KRTAP2-2: variants seen among roughly 807,000 people sequenced by gnomAD.
KRTAP2-2 encodes putative keratin-associated protein ENSP00000381495.
KRTAP2-2 carries 3 observed loss-of-function variants against 10.2 expected under a neutral mutation model. The ratio of observed to expected loss-of-function variants is 0.29; its 90% CI spans 0.13 to 0.76. The LOEUF (loss-of-function observed/expected upper bound fraction) is 0.76. KRTAP2-2 is among the 30% of genes least tolerant of loss of function. The probability of loss-of-function intolerance (pLI) is 0.67; values close to 1 mark genes in which losing one functional copy is unlikely to be tolerated. For synonymous variants in KRTAP2-2, 20 were observed against 70.8 expected, an observed-to-expected ratio of 0.28 and a Z score of 3.60; for missense variants, 54 against 163.6, an observed-to-expected ratio of 0.33 and a Z score of 3.65.
In KRTAP2-2 at chr17:41,055,220, C is replaced by G. The variant is rs760006554; in HGVS notation, c.-9G>C. The stretch of plus-strand genomic sequence containing the variant: ...CAGCAGGAGCCGGTCATGGTGGTGT[C>G]TGAGGCTGGTGTGGGTTGGGCTGTG... On this transcript the variant is annotated 5_prime_UTR_variant, in exon 1 of 1. Coordinates refer to ENST00000398477, the Ensembl canonical transcript of KRTAP2-2. 3.9e-5 allele frequency: 55 copies of G among 1,402,018 alleles called. 3 individuals carry two copies. The South Asian group carries it at 8.1e-4, about 21-fold the overall frequency. 86.8% of individuals were successfully genotyped at this position (1,402,018 alleles called of 1,614,324 possible).
chr17:41,054,642 G>C, exon 1 of KRTAP2-2: 1 of 1,449,716 alleles, frequency 6.9e-7, no homozygotes, highest in Non-Finnish European at 9.2e-7. Flanking sequence ...ATGAAGAGAT[G>C]AGAAATGGGC....
At chr17:41,054,546 T>A in exon 1 of KRTAP2-2, 1 of 682,158 alleles carries the variant, frequency 1.5e-6, no homozygotes, top group Non-Finnish European at 2.4e-6. Flanking sequence ...CAACATGATA[T>A]AGGAGTTAGA....
exon 1 of KRTAP2-2, chr17:41,054,551 G>A: frequency 1.4e-6 from 1 of 717,502 alleles, no homozygotes; most frequent in Non-Finnish European, 2.2e-6. Context: ...TGATATAGGA[G>A]TTAGACTGGA....
chr17:41,055,092 C>A, exon 1 of KRTAP2-2: 1 of 1,298,874 alleles, frequency 7.7e-7, no homozygotes, highest in Non-Finnish European at 1.0e-6. Context: ...CGGGGCGGCA[C>A]ACGGTGGTCT....
At chr17:41,054,906 C>T in exon 1 of KRTAP2-2, 1 of 787,362 alleles carries the variant, frequency 1.3e-6, no homozygotes, top group South Asian at 1.6e-5. Flanking sequence ...ACTGCACAGA[C>T]ACAGGCTGGC....
rs1307770114 is a variant in KRTAP2-2, at chr17:41,054,573, A to G, written c.*267T>C. 4.5e-6 allele frequency: 4 copies of G among 897,706 alleles called. No homozygotes were observed. The Admixed American group carries it at 1.1e-4, about 26-fold the overall frequency. The allele number at this position is 897,706 out of a possible 1,614,324, so 55.6% of individuals were successfully genotyped here. ...GGAGTTAGACTGGAGTCCTAGGAAA[A>G]GTATTTCTCATCTGTGGTTGGTCTG... On this transcript the variant is annotated 3_prime_UTR_variant, in exon 1 of 1. Coordinates refer to ENST00000398477, the Ensembl canonical transcript of KRTAP2-2.
rs769789137 is a variant in KRTAP2-2, at chr17:41,054,743, G to A, written c.*97C>T. ...CTTCTGAGGGGCCCTTCGTGATAAC[G>A]GGCTGCTCAGCAGGAGGAGGTCCTG... On this transcript the variant is annotated 3_prime_UTR_variant, in exon 1 of 1. Transcript: ENST00000398477. 14 of 1,527,470 alleles carry A rather than the reference G, an allele frequency of 9.2e-6. 1 individual carries two copies. Among genetic ancestry groups the A allele is most frequent in the Non-Finnish European group, 1.1e-5 (12 of 1,138,432 alleles). The allele number at this position is 1,527,470 out of a possible 1,614,324, so 94.6% of individuals were successfully genotyped here. A position where few individuals can be genotyped will look rare whatever the true frequency, so the allele number is the denominator to read the frequency against.
Position 41,054,614 on chromosome 17 carries a change from T to C in KRTAP2-2, c.*226A>G, listed in dbSNP as rs534152950. 3 of 1,298,394 alleles carry C rather than the reference T, an allele frequency of 2.3e-6. No individual in the cohort carries two copies. The East Asian group carries it at 7.6e-5, about 33-fold the overall frequency. The allele number at this position is 1,298,394 out of a possible 1,614,324, so 80.4% of individuals were successfully genotyped here. A position where few individuals can be genotyped will look rare whatever the true frequency, so the allele number is the denominator to read the frequency against. The stretch of plus-strand genomic sequence containing the variant: ...GGTTGGTCTGAAAAGGTGTCTTCAA[T>C]GCATAGTGTGAGCTAGTATGAAGAG... On this transcript the variant is annotated 3_prime_UTR_variant, in exon 1 of 1. Coordinates refer to ENST00000398477, the Ensembl canonical transcript of KRTAP2-2.
exon 1 of KRTAP2-2, chr17:41,054,696 G>A (rs2013038011): frequency 5.2e-6 from 8 of 1,533,256 alleles, no homozygotes; most frequent in South Asian, 4.8e-5. Flanking sequence ...GCCCTGAGGG[G>A]CAGCGGGATG....
At chr17:41,054,556 A>C in exon 1 of KRTAP2-2, 1 of 743,196 alleles carries the variant, frequency 1.3e-6, no homozygotes, top group Non-Finnish European at 2.1e-6. Flanking sequence ...TAGGAGTTAG[A>C]CTGGAGTCCT....
chr17:41,054,845 A>G, exon 1 of KRTAP2-2: 4 of 1,520,964 alleles, frequency 2.6e-6, no homozygotes, highest in Non-Finnish European at 3.5e-6. Context: ...GTGGCTCAGC[A>G]GGAGGAGGTC....
exon 1 of KRTAP2-2, chr17:41,054,971 G>GGCA: frequency 8.8e-7 from 1 of 1,131,400 alleles, no homozygotes; most frequent in Non-Finnish European, 1.2e-6. Context: ...CACGACGAGG[G>GGCA]GCAGCAGGTG....
At chr17:41,054,675 T>C in exon 1 of KRTAP2-2, 2 of 1,523,422 alleles carry the variant, frequency 1.3e-6, no homozygotes, top group Non-Finnish European at 1.8e-6. Flanking sequence ...CGTGTATTGC[T>C]CTGCGGTGAA....
exon 1 of KRTAP2-2, chr17:41,054,679 C>T (rs17568924): frequency 0.12 from 189,737 of 1,522,876 alleles, 13,701 homozygotes; most frequent in East Asian, 0.2. Flanking sequence ...TATTGCTCTG[C>T]GGTGAAGCCC....
At chr17:41,054,729 C>A in exon 1 of KRTAP2-2, 1 of 1,537,638 alleles carries the variant, frequency 6.5e-7, no homozygotes, top group Non-Finnish European at 8.7e-7. Context: ...TTCTGAGGGG[C>A]CCTTCGTGAT....
exon 1 of KRTAP2-2, chr17:41,054,716 A>G (rs1359278622): frequency 2.0e-6 from 3 of 1,537,766 alleles, no homozygotes; most frequent in Non-Finnish European, 1.7e-6. Flanking sequence ...GGACCTGGCC[A>G]TCTTCTGAGG....
chr17:41,054,862 G>A (rs1486633836), exon 1 of KRTAP2-2: 1 of 1,491,836 alleles, frequency 6.7e-7, no homozygotes, highest in African/African-American at 1.8e-5. Flanking sequence ...GGTCCTGCAG[G>A]TGGTGCTGCA....
exon 1 of KRTAP2-2, chr17:41,054,719 T>C: frequency 6.5e-7 from 1 of 1,538,078 alleles, no homozygotes; most frequent in Non-Finnish European, 8.7e-7. Context: ...CCTGGCCATC[T>C]TCTGAGGGGC....
At chr17:41,054,575 T>C in exon 1 of KRTAP2-2, 1 of 914,332 alleles carries the variant, frequency 1.1e-6, no homozygotes, top group Non-Finnish European at 1.6e-6. Context: ...CTAGGAAAAG[T>C]ATTTCTCATC....
Sources: allele counts gnomAD v4.1 joint callset, GRCh38; gene constraint gnomAD v4.1.1; transcripts MANE v1.5; gene names NCBI Gene and HGNC (gene_info 2026-07-23, HGNC 2026-07-21).